Variants in FARP2 observed in about 807,000 individuals in gnomAD.
FARP2 encodes the protein FERM, ARHGEF and pleckstrin domain-containing protein 2.
A neutral mutation model predicts 130.5 loss-of-function variants in FARP2; 111 were observed. The ratio of observed to expected loss-of-function variants is 0.85; its 90% confidence interval spans 0.73 to 1.00. The LOEUF (loss-of-function observed/expected upper bound fraction) is 1.00, where lower values mean the gene tolerates loss of function less well. Among genes scored for constraint, FARP2 ranks in the 50% least tolerant of loss-of-function variants. The probability of loss-of-function intolerance (pLI) is 0.00; values close to 1 mark genes in which losing one functional copy is unlikely to be tolerated. For missense variants in FARP2, 1,385 were observed against 1,346.3 expected (o/e 1.03, Z -0.45); for synonymous variants, 504 against 516.9 (o/e 0.98, Z 0.34).
At chr2:241,466,198 G>A (rs997661212) in intron 17 of FARP2, 3 of 985,292 alleles carry the variant, frequency 3.0e-6, no homozygotes, top group African/African-American at 1.7e-5. Flanking sequence ...CGGGGCATAA[G>A]GTCAGTTTTC....
chr2:241,384,815 A>G (rs1478399906), intron 2 of FARP2, among the ~76,000 whole-genome samples: 2 of 152,234 alleles, frequency 1.3e-5, no homozygotes, highest in Non-Finnish European at 2.9e-5. Flanking sequence ...ATCCTAGGAA[A>G]AATGTTGGAA....
Position 241,431,766 on chromosome 2 carries a change from G to A in FARP2, c.859G>A (p.Glu287Lys), listed in dbSNP as rs776834588. Residue 287 changes from glutamate (E) to lysine (K), a missense_variant, in exon 9 of 27, where the codon GAG becomes AAG. Physicochemically the swap from Glu to Lys is moderately conservative, Grantham distance 56. Coordinates refer to ENST00000264042, the MANE Select transcript of FARP2 (RefSeq NM_014808.4). Reference protein sequence around the residue: ...RKRFLIKLHPEVHGPYQDTLE... With the variant: ...RKRFLIKLHPKVHGPYQDTLE... ...AAGATTTCTTATCAAACTTCATCCA[G>A]AGGTTCATGTAAGTATTATTTTCAA... The A allele has an allele frequency of 1.8e-5, 25 of 1,425,456 alleles. No individual in the cohort carries two copies. The highest frequency in any genetic ancestry group is 3.5e-5 in the Admixed American group (2 of 57,496). The allele number at this position is 1,425,456 out of a possible 1,614,324, so 88.3% of individuals were successfully genotyped here. A position where few individuals can be genotyped will look rare whatever the true frequency, so the allele number is the denominator to read the frequency against.
intron 21 of FARP2, 71 bp from the exon 22 acceptor site, chr2:241,489,891 G>A (rs1287506247): frequency 9.6e-7 from 1 of 1,042,294 alleles, no homozygotes; most frequent in Non-Finnish European, 1.5e-6. Flanking sequence ...CAGTCACCTT[G>A]TGTCCTGCTC....
chr2:241,493,601 T>G (rs1368251859), intron 26 of FARP2, 157 bp downstream of exon 26: 3 of 644,508 alleles, frequency 4.7e-6, no homozygotes, highest in Admixed American at 2.9e-5. Flanking sequence ...TGCTTTGTTT[T>G]TTTTTTTTTT....
intron 13 of FARP2, among the ~76,000 whole-genome samples, chr2:241,453,769 G>GGTTTT (rs2063752952): frequency 3.7e-5 from 2 of 54,054 alleles, no homozygotes; most frequent in East Asian, 6.5e-4. Flanking sequence ...GCACTTACTG[G>GGTTTT]TTTTTTTTTT....
chr2:241,476,214 TAA>T (rs57746386), intron 19 of FARP2, among the ~76,000 whole-genome samples: 415 of 108,144 alleles, frequency 3.8e-3, no homozygotes, highest in African/African-American at 7.3e-3. Context: ...TTCTATGAAT[TAA>T]AAAAAAAAAA....
Position 241,493,370 on chromosome 2 carries a change from A to AGAC in FARP2, c.2974_2976dup (p.Asp992dup). 6.2e-7 allele frequency: 1 copy of AGAC among 1,613,996 alleles called. No homozygotes were observed. Among genetic ancestry groups the AGAC allele is most frequent in the Non-Finnish European group, 8.5e-7 (1 of 1,179,968 alleles). On this transcript the variant is annotated inframe_insertion, in exon 26 of 27. Transcript: ENST00000264042. ...CCAGGGAGGCCGATGGCATACACAA[A>AGAC]GACTATGTTTTCAAGCTCCAGTTCA...
intron 16 of FARP2, 177 bp from the exon 17 acceptor site, chr2:241,463,722 C>T: frequency 1.5e-6 from 1 of 681,004 alleles, no homozygotes; most frequent in Non-Finnish European, 2.5e-6. Context: ...TAGAGAATGG[C>T]CAGACACATA....
Position 241,462,584 on chromosome 2 carries a change from A to T in FARP2, c.1649A>T (p.Tyr550Phe), listed in dbSNP as rs2064052301. Residue 550 changes from tyrosine to phenylalanine, a missense_variant, in exon 15 of 27, where the codon TAC becomes TTC. By Grantham distance (22) the Tyr-to-Phe change is conservative. Coordinates refer to ENST00000264042, the MANE Select transcript of FARP2 (RefSeq NM_014808.4). ...GAGATTCTCGCTACAGAACGAACAT[A>T]CCTCAAGGATTTAGAAGTTATTACC... is the stretch of plus-strand genomic sequence containing the variant. ...VKEILATERT[Y>F]LKDLEVITVW... 2 of 1,613,194 alleles carry T rather than the reference A, an allele frequency of 1.2e-6. No individual in the cohort carries two copies. Among genetic ancestry groups the T allele is most frequent in the Non-Finnish European group, 1.7e-6 (2 of 1,179,238 alleles).
intron 2 of FARP2, 44 bp downstream of exon 2, chr2:241,373,334 A>G (rs1366325771): frequency 2.3e-6 from 3 of 1,279,616 alleles, no homozygotes; most frequent in African/African-American, 3.0e-5. Context: ...TATATCTTCT[A>G]ACAGTCAAAT....
chr2:241,467,127 C>T (rs1468059356), intron 17 of FARP2, among the ~76,000 whole-genome samples: 3 of 151,862 alleles, frequency 2.0e-5, no homozygotes, highest in African/African-American at 7.3e-5. Flanking sequence ...TGGTGGTGTG[C>T]GCCTGTGATC....
rs1299212495 is a variant in FARP2, at chr2:241,475,232, G to A, written c.2132-625G>A. Among the ~76,000 whole-genome samples the A allele has an allele frequency of 6.6e-6, 1 of 152,182 alleles. No homozygotes were observed. Among genetic ancestry groups the A allele is most frequent in the African/African-American group, 2.4e-5 (1 of 41,430 alleles). ...TCTTTGCCAAACCAGAATATGGGCT[G>A]GCCAACAGTTTGGGTTGAACAACCT... is the stretch of plus-strand genomic sequence containing the variant. On this transcript the variant is annotated intron_variant, in intron 18 of 26. Transcript: ENST00000264042. The surrounding 1 kb of genome is among the most constrained non-coding windows in gnomAD (Gnocchi z 4.4).
intron 2 of FARP2, among the ~76,000 whole-genome samples, chr2:241,391,552 G>T (rs534257090): frequency 4.6e-5 from 7 of 152,184 alleles, no homozygotes; most frequent in African/African-American, 1.7e-4. Flanking sequence ...TTGTATTCTC[G>T]GGCCCACCTT....
intron 1 of FARP2, among the ~76,000 whole-genome samples, chr2:241,364,599 C>T (rs896408147): frequency 2.6e-5 from 4 of 152,140 alleles, no homozygotes; most frequent in Admixed American, 2.0e-4. Flanking sequence ...AGTAAAGCTA[C>T]TCTTGAAACA....
intron 21 of FARP2, chr2:241,488,885 T>G (rs1421054934): frequency 1.3e-5 from 2 of 152,216 alleles, no homozygotes; most frequent in African/African-American, 4.8e-5. Context: ...CTCTCATTAG[T>G]GGTGTCATAT....
At chr2:241,471,934 G>GCTCTGCAGAGGCCCTA (rs1467509320) in intron 18 of FARP2, among the ~76,000 whole-genome samples, 10 of 145,028 alleles carry the variant, frequency 6.9e-5, no homozygotes, top group South Asian at 2.4e-4. Flanking sequence ...AGGGGATTAT[G>GCTCTGCAGAGGCCCTA]TTCTGTGGTG....
chr2:241,466,723 TA>T, intron 17 of FARP2: 1 of 422,096 alleles, frequency 2.4e-6, no homozygotes, highest in South Asian at 1.2e-4. Context: ...CGTACCCTCC[TA>T]GGGGCTTCCA....
At chr2:241,412,672 A>G (rs1283226403) in intron 6 of FARP2, among the ~76,000 whole-genome samples, 7 of 152,224 alleles carry the variant, frequency 4.6e-5, no homozygotes, top group African/African-American at 1.7e-4. Context: ...CCTAAAATAA[A>G]TAAAATACTT....
chr2:241,373,590 C>G (rs2061471025), intron 2 of FARP2, among the ~76,000 whole-genome samples: 1 of 152,200 alleles, frequency 6.6e-6, no homozygotes, highest in African/African-American at 2.4e-5. Flanking sequence ...TACACCCAGA[C>G]CTTCCCAGCT....
Sources: allele counts gnomAD v4.1 joint callset (sites outside exome capture counted in the v4.1 genomes callset), GRCh38; gene constraint gnomAD v4.1.1; non-coding constraint Gnocchi (gnomAD v3.1); transcripts MANE v1.5; gene names NCBI Gene and HGNC (gene_info 2026-07-23, HGNC 2026-07-21).